The following PRPF39 variants were observed in gnomAD, a reference collection of about 807,000 sequenced individuals.
PRPF39 encodes the protein pre-mRNA processing factor 39.
In PRPF39, 27 loss-of-function variants were observed where a neutral mutation model predicts 82.1. The observed-to-expected ratio is 0.33, with a 90% CI of 0.24 to 0.45. PRPF39 has a LOEUF of 0.45. PRPF39 is among the 20% of genes least tolerant of loss of function. The probability of loss-of-function intolerance (pLI) is 1.00; values close to 1 mark genes in which losing one functional copy is unlikely to be tolerated. For synonymous variants in PRPF39, 261 were observed against 256.4 expected (o/e 1.02, Z -0.17); for missense variants, 581 against 796.9 (o/e 0.73, Z 3.26).
chr14:45,111,758 G>A (rs1213937829), intron 10 of PRPF39, among the ~76,000 whole-genome samples: 1 of 149,236 alleles, frequency 6.7e-6, no homozygotes, highest in Non-Finnish European at 1.5e-5. Context: ...CTTGCCTCAG[G>A]CTCCCAAGTA....
At chr14:45,111,581 C>T (rs1373382117) in intron 10 of PRPF39, among the ~76,000 whole-genome samples, 2 of 150,608 alleles carry the variant, frequency 1.3e-5, no homozygotes, top group African/African-American at 4.9e-5. Context: ...ATTTGCCTGC[C>T]TCGGCCTCCC....
intron 1 of PRPF39, among the ~76,000 whole-genome samples, chr14:45,092,557 C>T (rs568198287): frequency 1.4e-5 from 2 of 147,176 alleles, no homozygotes; most frequent in Admixed American, 6.9e-5. Context: ...GCCGAGATTG[C>T]GCCACTGCAC....
chr14:45,105,303 TAA>T (rs1320307062), intron 5 of PRPF39, among the ~76,000 whole-genome samples: 3 of 152,206 alleles, frequency 2.0e-5, no homozygotes, highest in African/African-American at 7.2e-5. Context: ...AATTTTACCT[TAA>T]GTTTTTAATT....
intron 13 of PRPF39, 64 bp from the exon 14 acceptor site, chr14:45,114,793 T>C (rs1252478062): frequency 2.8e-6 from 4 of 1,446,552 alleles, no homozygotes; most frequent in Admixed American, 1.8e-5. Flanking sequence ...GCTTTAATTA[T>C]ACTTTTACAT....
At chr14:45,089,179 G>C (rs1883939499) in intron 1 of PRPF39, among the ~76,000 whole-genome samples, 1 of 152,202 alleles carries the variant, frequency 6.6e-6, no homozygotes, top group Non-Finnish European at 1.5e-5. Context: ...GCCAAGTCCA[G>C]TATCATTAAG....
intron 13 of PRPF39, 100 bp downstream of exon 13, chr14:45,114,714 A>T: frequency 1.4e-6 from 2 of 1,445,084 alleles, no homozygotes; most frequent in South Asian, 2.6e-5. Flanking sequence ...CAATTGTGTA[A>T]TACATTCTTT....
At chr14:45,084,336 T>G (rs1292982945) in intron 1 of PRPF39, 87 bp downstream of exon 1, 1 of 152,684 alleles carries the variant, frequency 6.5e-6, no homozygotes, top group Non-Finnish European at 1.5e-5. Flanking sequence ...CAGGCCGCGC[T>G]CTGGCCGCGG....
At chr14:45,113,468 C>T (rs1019267947) in intron 11 of PRPF39, among the ~76,000 whole-genome samples, 3 of 152,094 alleles carry the variant, frequency 2.0e-5, no homozygotes, top group African/African-American at 4.8e-5. Flanking sequence ...CATTGTGGAG[C>T]GAGGACTGAA....
At chr14:45,109,515 AATC>A (rs1469136227) in intron 7 of PRPF39, 98 bp from the exon 8 acceptor site, 25 of 947,926 alleles carry the variant, frequency 2.6e-5, no homozygotes, top group African/African-American at 5.2e-5. Flanking sequence ...TAAAAATTTT[AATC>A]ATCAATTATA....
At position 45,102,693 on chromosome 14, in the gene PRPF39, A is replaced by T; in HGVS notation, c.734A>T (p.Gln245Leu). The change falls in exon 5 of 14, where the codon CAG becomes CTG. Residue 245 changes from glutamine to leucine, a missense_variant. Coordinates refer to ENST00000355765, the MANE Select transcript of PRPF39 (RefSeq NM_017922.4). ...IPTQLYSHHF[Q>L]RFKEHVQNNL... The stretch of plus-strand genomic sequence containing the variant: ...ACACAGCTGTATAGTCATCATTTTC[A>T]GAGGTAGGTGGGAAATTCTGATCAT... 1.9e-6 allele frequency: 3 copies of T among 1,592,566 alleles called. No individual in the cohort carries two copies. The highest frequency in any genetic ancestry group is 2.3e-5 in the South Asian group (2 of 86,422).
chr14:45,107,310 A>G (rs577845730), intron 5 of PRPF39, 141 bp from the exon 6 acceptor site: 6 of 632,044 alleles, frequency 9.5e-6, no homozygotes, highest in African/African-American at 1.9e-5. Context: ...GGATTTTACT[A>G]TAGAAAAGAA....
chr14:45,097,704 T>C (rs1005749982), intron 4 of PRPF39, among the ~76,000 whole-genome samples: 1 of 152,260 alleles, frequency 6.6e-6, no homozygotes, highest in African/African-American at 2.4e-5. Flanking sequence ...TGTTCTCATA[T>C]GCTTATATAA....
At chr14:45,092,156 A>G (rs1269370703) in intron 1 of PRPF39, among the ~76,000 whole-genome samples, 1 of 152,196 alleles carries the variant, frequency 6.6e-6, no homozygotes, top group Non-Finnish European at 1.5e-5. Flanking sequence ...TGTTCTTTTC[A>G]GTTTTGTGGT....
In PRPF39 at chr14:45,114,625, A is replaced by T. The variant is rs764129984; in HGVS notation, c.1953+11A>T. On this transcript the variant is annotated intron_variant, in intron 13 of 13. Transcript: ENST00000355765. ...AGTGCGTGGTATCAAGTGAGTCTGCATAATTATAATTCTTTGTTCATAGAT... is the reference window on the plus strand; with the variant it reads ...AGTGCGTGGTATCAAGTGAGTCTGCTTAATTATAATTCTTTGTTCATAGAT... 1 of 1,596,006 alleles carries T rather than the reference A, an allele frequency of 6.3e-7. No individual in the cohort carries two copies. Among genetic ancestry groups the T allele is most frequent in the African/African-American group, 1.4e-5 (1 of 73,914 alleles).
chr14:45,108,390 A>AT, intron 6 of PRPF39, 25 bp from the exon 7 acceptor site: 2 of 1,560,650 alleles, frequency 1.3e-6, no homozygotes, highest in Non-Finnish European at 1.7e-6. Flanking sequence ...TGTGAGATTT[A>AT]TTTTTTTCCC....
In PRPF39 at chr14:45,109,792, A is replaced by C. The variant is rs1214548981; in HGVS notation, c.1176+12A>C. 2 of 1,583,884 alleles carry C rather than the reference A, an allele frequency of 1.3e-6. No individual in the cohort carries two copies. Among genetic ancestry groups the C allele is most frequent in the Non-Finnish European group, 1.7e-6 (2 of 1,164,802 alleles). Reference sequence around the variant, plus strand: ...AGTTTTGGATTAAGGTAAGAAAATCATGTGCTCTTAAACTTGAATATATTA... The same window carrying C: ...AGTTTTGGATTAAGGTAAGAAAATCCTGTGCTCTTAAACTTGAATATATTA... On this transcript the variant is annotated intron_variant, in intron 8 of 13. Coordinates refer to ENST00000355765, the MANE Select transcript of PRPF39 (RefSeq NM_017922.4).
intron 1 of PRPF39, among the ~76,000 whole-genome samples, chr14:45,091,023 A>G (rs1018767025): frequency 6.6e-6 from 1 of 152,092 alleles, no homozygotes; most frequent in African/African-American, 2.4e-5. Flanking sequence ...TTTCTTAGGA[A>G]AAAAATAGTT....
At chr14:45,103,479 T>C (rs963501103) in intron 5 of PRPF39, among the ~76,000 whole-genome samples, 1 of 152,120 alleles carries the variant, frequency 6.6e-6, no homozygotes, top group Non-Finnish European at 1.5e-5. Flanking sequence ...TGAGTAGTAT[T>C]GTATAAACTT....
At chr14:45,085,064 A>G (rs768403372) in intron 1 of PRPF39, among the ~76,000 whole-genome samples, 37 of 152,182 alleles carry the variant, frequency 2.4e-4, no homozygotes, top group African/African-American at 7.5e-4. Context: ...AAACTTTGCT[A>G]CAGCTGGAAA....
Sources: gnomAD v4.1 joint callset for allele counts (sites outside exome capture counted in the v4.1 genomes callset) on GRCh38, gnomAD v4.1.1 for gene constraint, MANE v1.5 for transcripts, NCBI Gene and HGNC (gene_info 2026-07-23, HGNC 2026-07-21) for gene names.